TDRD7: variants seen among roughly 807,000 people sequenced by gnomAD.
TDRD7 encodes tudor domain-containing protein 7.
A neutral mutation model predicts 109.8 loss-of-function variants in TDRD7; 47 were observed. That is an observed-to-expected ratio of 0.43 (90% CI 0.34 to 0.55). TDRD7 has a LOEUF of 0.55. Ranked by LOEUF, TDRD7 falls within the 20% of genes least tolerant of loss-of-function variation. TDRD7 has a pLI of 0.03. For missense variants in TDRD7, 1,164 were observed against 1,319.2 expected (o/e 0.88, Z 1.82); for synonymous variants, 424 against 457.3 (o/e 0.93, Z 0.93).
At chr9:97,445,511 G>C (rs1054515685) in intron 6 of TDRD7, among the ~76,000 whole-genome samples, 1 of 152,214 alleles carries the variant, frequency 6.6e-6, no homozygotes, top group African/African-American at 2.4e-5. Flanking sequence ...AGTCTGATGA[G>C]TCAAGTAAAG....
chr9:97,478,338 C>A, intron 12 of TDRD7, 101 bp from the exon 13 acceptor site: 1 of 1,307,284 alleles, frequency 7.6e-7, no homozygotes, highest in South Asian at 1.2e-5. Flanking sequence ...ATAGTCTGTT[C>A]CTTTTAATAT....
At chr9:97,413,101 A>T (rs1374476689) in intron 1 of TDRD7, among the ~76,000 whole-genome samples, 1 of 152,174 alleles carries the variant, frequency 6.6e-6, no homozygotes, top group African/African-American at 2.4e-5. Flanking sequence ...CCAAAAAACC[A>T]CAGATCTAGT....
At chr9:97,424,247 G>A (rs1191422569) in intron 1 of TDRD7, among the ~76,000 whole-genome samples, 1 of 151,478 alleles carries the variant, frequency 6.6e-6, no homozygotes, top group Non-Finnish European at 1.5e-5. Context: ...GTAGAGGTAG[G>A]GTTTCACCAC....
At position 97,483,326 on chromosome 9, in the gene TDRD7, G is replaced by T. The variant is rs1187131394; in HGVS notation, c.2890G>T (p.Val964Leu). 6.2e-7 allele frequency: 1 copy of T among 1,614,122 alleles called. No homozygotes were observed. The highest frequency in any genetic ancestry group is 1.1e-5 in the South Asian group (1 of 91,092). ...ERHIAVEKDQ[V>L]YAAKVENKWH... is the part of the protein sequence containing the mutation. ...CCACATAGCAGTGGAGAAAGACCAA[G>T]TGTATGCTGCAAAAGTGGAAAATAA... The change falls in exon 15 of 17, where the codon GTG (valine) becomes TTG (leucine). Residue 964 changes from valine to leucine, a missense_variant. Physicochemically the swap from Val to Leu is conservative, Grantham distance 32 (BLOSUM62 1). Transcript: ENST00000355295.
chr9:97,459,444 C>T (rs189531862), intron 6 of TDRD7, among the ~76,000 whole-genome samples: 1 of 152,126 alleles, frequency 6.6e-6, no homozygotes, highest in Non-Finnish European at 1.5e-5. Context: ...GACCTCTGCT[C>T]TAGTAGTAGA....
At chr9:97,448,697 C>G (rs183647636) in intron 6 of TDRD7, among the ~76,000 whole-genome samples, 2 of 152,234 alleles carry the variant, frequency 1.3e-5, no homozygotes, top group Admixed American at 6.5e-5. Context: ...AAGCAGGTCT[C>G]TAGGTAAATG....
At chr9:97,458,415 G>A (rs549798920) in intron 6 of TDRD7, among the ~76,000 whole-genome samples, 1 of 152,236 alleles carries the variant, frequency 6.6e-6, no homozygotes, top group South Asian at 2.1e-4. Flanking sequence ...AGCGAAGATT[G>A]GCATTTTAAG....
chr9:97,487,440 G>T, intron 16 of TDRD7, 108 bp downstream of exon 16: 1 of 1,510,390 alleles, frequency 6.6e-7, no homozygotes, highest in South Asian at 1.1e-5. Context: ...TAGGTATGTT[G>T]GGTTTTTGTT....
At chr9:97,428,831 T>C (rs1828052399) in intron 2 of TDRD7, among the ~76,000 whole-genome samples, 159 bp downstream of exon 2, 1 of 152,268 alleles carries the variant, frequency 6.6e-6, no homozygotes, top group African/African-American at 2.4e-5. Context: ...AAGCACAGCC[T>C]ACATTCTTAT....
At chr9:97,434,241 T>C (rs1425594143) in intron 4 of TDRD7, among the ~76,000 whole-genome samples, 3 of 152,136 alleles carry the variant, frequency 2.0e-5, no homozygotes, top group Admixed American at 6.6e-5. Flanking sequence ...GGAGACATTA[T>C]GTTAAGTGAA....
intron 15 of TDRD7, among the ~76,000 whole-genome samples, chr9:97,484,943 G>A (rs1266879533): frequency 6.6e-6 from 1 of 152,152 alleles, no homozygotes; most frequent in Non-Finnish European, 1.5e-5. Flanking sequence ...TCCCCACTCT[G>A]CCCTCCATGG....
Position 97,465,001 on chromosome 9 carries a change from C to A in TDRD7, c.1602C>A (p.Val534=). ...AGGACGCCTGGTTACGGGCACAGGT[C>A]ATCTCAACAGAAGAGAACAAAATAA... ...AEEDAWLRAQ[V]ISTEENKIKV... Residue 534 remains valine, a synonymous_variant, in exon 8 of 17, where the codon GTC becomes GTA. Transcript: ENST00000355295. 6.2e-7 allele frequency: 1 copy of A among 1,614,010 alleles called. No individual in the cohort carries two copies. Among genetic ancestry groups the A allele is most frequent in the Non-Finnish European group, 8.5e-7 (1 of 1,179,996 alleles).
At chr9:97,463,383 T>A (rs902637898) in intron 7 of TDRD7, among the ~76,000 whole-genome samples, 1 of 151,312 alleles carries the variant, frequency 6.6e-6, no homozygotes, top group Non-Finnish European at 1.5e-5. Context: ...GAGTTTTGTT[T>A]TTTTTTTTTT....
At chr9:97,451,191 A>T (rs989666042) in intron 6 of TDRD7, among the ~76,000 whole-genome samples, 1 of 152,100 alleles carries the variant, frequency 6.6e-6, no homozygotes, top group Non-Finnish European at 1.5e-5. Context: ...GAGGGCATGG[A>T]AGCTCCACAC....
At chr9:97,450,310 T>A (rs1325444610) in intron 6 of TDRD7, among the ~76,000 whole-genome samples, 1 of 152,170 alleles carries the variant, frequency 6.6e-6, no homozygotes, top group Non-Finnish European at 1.5e-5. Flanking sequence ...AGGACAAGGA[T>A]AGGAGTATTG....
intron 4 of TDRD7, among the ~76,000 whole-genome samples, chr9:97,434,881 A>G (rs1002827194): frequency 6.6e-6 from 1 of 152,224 alleles, no homozygotes; most frequent in Non-Finnish European, 1.5e-5. Context: ...ATGGATCTCA[A>G]GGGAATCATG....
intron 1 of TDRD7, among the ~76,000 whole-genome samples, chr9:97,418,064 G>T (rs1000517277): frequency 6.6e-6 from 1 of 152,208 alleles, no homozygotes; most frequent in Admixed American, 6.5e-5. Flanking sequence ...GGCAGAGGTT[G>T]CAGTGAGCGG....
intron 4 of TDRD7, among the ~76,000 whole-genome samples, chr9:97,436,309 C>A (rs1049498797): frequency 1.3e-5 from 2 of 152,058 alleles, no homozygotes; most frequent in Non-Finnish European, 2.9e-5. Flanking sequence ...TGAAAAAAAT[C>A]TATTTATGTT....
chr9:97,481,053 A>G (rs1829107533), intron 14 of TDRD7, 115 bp downstream of exon 14: 1 of 858,552 alleles, frequency 1.2e-6, no homozygotes, highest in Non-Finnish European at 2.0e-6. Context: ...TTCCACATCC[A>G]ACACATTTTT....
Sources: allele counts gnomAD v4.1 joint callset (sites outside exome capture counted in the v4.1 genomes callset), GRCh38; gene constraint gnomAD v4.1.1; transcripts MANE v1.5; gene names NCBI Gene and HGNC (gene_info 2026-07-23, HGNC 2026-07-21).